The following MMP16 variants were observed in gnomAD, a reference collection of about 807,000 sequenced individuals.
MMP16 encodes the protein matrix metalloproteinase-16.
Under a neutral mutation model 67.8 loss-of-function variants are expected in MMP16, and 12 were observed. That is an observed-to-expected ratio of 0.18 (90% confidence interval 0.11 to 0.29). MMP16 has a LOEUF of 0.29. Ranked by LOEUF, MMP16 falls within the 10% of genes least tolerant of loss-of-function variation. The pLI is 1.00. For missense variants in MMP16, 475 were observed against 765.7 expected (o/e 0.62, Z 4.48); for synonymous variants, 249 against 255.9 (o/e 0.97, Z 0.26).
rs1031827 is a variant in MMP16 at position 88,034,518 on chromosome 8, G to T, written c.*6943C>A. ...TGATTCCACATCAGCTGTAAAAGAA[G>T]TAAATGCCAAAAAGACCTAAAAACC... On this transcript the variant is annotated 3_prime_UTR_variant, in exon 10 of 10. Transcript: ENST00000286614. The T allele has an allele frequency of 0.24, 36,526 of 152,220 alleles. 5,230 individuals are homozygous for T. Among genetic ancestry groups the T allele is most frequent in the East Asian group, 0.37 (1,894 of 5,144 alleles). 9.4% of individuals were successfully genotyped at this position (152,220 alleles called of 1,614,324 possible).
intron 6 of MMP16, among the ~76,000 whole-genome samples, chr8:88,085,995 G>A (rs747873100): frequency 1.3e-5 from 2 of 151,096 alleles, no homozygotes; most frequent in Non-Finnish European, 2.9e-5. Flanking sequence ...ACTCATTCAT[G>A]AAGACAATAA....
intron 1 of MMP16, among the ~76,000 whole-genome samples, chr8:88,231,076 T>C (rs1443604410): frequency 6.6e-6 from 1 of 152,180 alleles, no homozygotes; most frequent in African/African-American, 2.4e-5. Context: ...CAGTGTCCAA[T>C]ATAAAGATGA....
At chr8:88,073,062 T>C (rs1808587923) in intron 7 of MMP16, among the ~76,000 whole-genome samples, 1 of 152,142 alleles carries the variant, frequency 6.6e-6, no homozygotes, top group Non-Finnish European at 1.5e-5. Context: ...GCACTACTGG[T>C]CCTGTGAGGA....
intron 1 of MMP16, among the ~76,000 whole-genome samples, chr8:88,291,047 G>A (rs116972207): frequency 0.024 from 3,659 of 152,204 alleles, 116 homozygotes; most frequent in Admixed American, 0.094. Context: ...TTGGAAGGCT[G>A]GGGTAGGAGG....
rs1468015512 is a variant in MMP16, at chr8:88,105,040, ACATT to A, written c.1083+11463_1083+11466del. Among the ~76,000 whole-genome samples the A allele has an allele frequency of 2.0e-5, 3 of 151,622 alleles. No individual in the cohort carries two copies. The South Asian group carries it at 6.2e-4, about 31-fold the overall frequency. ...GTGTACAGGAATATCCTAGGCCTTC[ACATT>A]CAGTCATCATTTACTCACTGATGCA... On this transcript the variant is annotated intron_variant, in intron 6 of 9. Coordinates refer to ENST00000286614, the MANE Select transcript of MMP16 (RefSeq NM_005941.5).
At chr8:88,293,151 A>G (rs1383653898) in intron 1 of MMP16, among the ~76,000 whole-genome samples, 2 of 152,150 alleles carry the variant, frequency 1.3e-5, no homozygotes, top group Non-Finnish European at 2.9e-5. Flanking sequence ...GTACATCTTG[A>G]TTATTTTAAA....
intron 8 of MMP16, among the ~76,000 whole-genome samples, chr8:88,048,518 C>A (rs1273791582): frequency 6.6e-6 from 1 of 152,178 alleles, no homozygotes; most frequent in Non-Finnish European, 1.5e-5. Flanking sequence ...TTGCTCTATG[C>A]ATTATTTTAT....
chr8:88,308,140 T>C (rs984391173), intron 1 of MMP16, among the ~76,000 whole-genome samples: 5 of 152,084 alleles, frequency 3.3e-5, no homozygotes, highest in African/African-American at 1.2e-4. Context: ...ACATCATAAA[T>C]GCATTACTGG....
rs909328569 is a variant in MMP16 at position 88,326,616 on chromosome 8, C to G, written c.132+459G>C. 2.0e-4 allele frequency among the ~76,000 whole-genome samples: 31 copies of G among 152,064 alleles called. 1 individual carries two copies. Among genetic ancestry groups the G allele is most frequent in the Admixed American group, 1.9e-3 (29 of 15,264 alleles). ...TTATTAAACACATCTAGTGTTCCCA[C>G]GCTCTCCTCTAGATTCTTTGATTTT... is the stretch of plus-strand genomic sequence containing the variant. On this transcript the variant is annotated intron_variant, in intron 1 of 9. Coordinates refer to ENST00000286614, the MANE Select transcript of MMP16 (RefSeq NM_005941.5).
intron 6 of MMP16, among the ~76,000 whole-genome samples, chr8:88,083,709 T>A (rs1485666551): frequency 6.6e-6 from 1 of 152,044 alleles, no homozygotes; most frequent in Non-Finnish European, 1.5e-5. Context: ...CATCTCTAGT[T>A]CATGAGAGTT....
intron 1 of MMP16, among the ~76,000 whole-genome samples, chr8:88,238,443 A>G (rs1403753753): frequency 6.6e-6 from 1 of 151,978 alleles, no homozygotes; most frequent in East Asian, 1.9e-4. Flanking sequence ...GGATCATTTG[A>G]GGTCAGGAGT....
chr8:88,089,831 G>A (rs1329298006), intron 6 of MMP16, among the ~76,000 whole-genome samples: 1 of 151,742 alleles, frequency 6.6e-6, no homozygotes, highest in Non-Finnish European at 1.5e-5. Flanking sequence ...ATTGCTAAGT[G>A]AACAAAACCA....
At chr8:88,139,127 T>C (rs546529613) in intron 4 of MMP16, among the ~76,000 whole-genome samples, 93 of 152,266 alleles carry the variant, frequency 6.1e-4, no homozygotes, top group African/African-American at 2.1e-3. Context: ...ATTGTCTATG[T>C]CTCATTTGCA....
intron 3 of MMP16, among the ~76,000 whole-genome samples, chr8:88,173,287 A>G (rs1256261740): frequency 6.6e-6 from 1 of 152,108 alleles, no homozygotes; most frequent in East Asian, 1.9e-4. Context: ...CCTAGGCTCA[A>G]GCGATTCACT....
rs773017409 is a variant in MMP16 at position 88,041,719 on chromosome 8, T to G, written c.1566A>C (p.Pro522=). The change falls in exon 10 of 10, where the codon CCA becomes CCC. Residue 522 remains proline (P), a synonymous_variant. Transcript: ENST00000286614. The surrounding 1 kb of genome is among the most constrained non-coding windows in gnomAD (Gnocchi z 6.0). ...CCATAAAATCCTTGAGGATGGATCTTGGATATCCAGGTTCTACCTTGAGTA... is the reference window on the plus strand; with the variant it reads ...CCATAAAATCCTTGAGGATGGATCTGGGATATCCAGGTTCTACCTTGAGTA... ...NQILKVEPGY[P]RSILKDFMGC... 3.7e-6 allele frequency: 6 copies of G among 1,613,892 alleles called. No individual in the cohort carries two copies. In the African/African-American group the frequency reaches 4.0e-5, roughly 11 times the overall value.
intron 7 of MMP16, among the ~76,000 whole-genome samples, chr8:88,060,095 C>T (rs1478794884): frequency 6.6e-6 from 1 of 152,002 alleles, no homozygotes; most frequent in East Asian, 1.9e-4. Flanking sequence ...CCACTCCTTA[C>T]CATAAGTTCC....
intron 4 of MMP16, among the ~76,000 whole-genome samples, chr8:88,146,208 T>G (rs1808287380): frequency 6.6e-6 from 1 of 152,030 alleles, no homozygotes; most frequent in African/African-American, 2.4e-5. Flanking sequence ...TTGGGTTCAA[T>G]ATGCTCAGCA....
At chr8:88,279,756 G>A (rs74698411) in intron 1 of MMP16, among the ~76,000 whole-genome samples, 1,764 of 152,244 alleles carry the variant, frequency 0.012, 34 homozygotes, top group African/African-American at 0.04. Flanking sequence ...CTTAGTATTA[G>A]AGGACATTCA....
intron 1 of MMP16, among the ~76,000 whole-genome samples, chr8:88,310,534 G>A (rs1811278589): frequency 6.6e-6 from 1 of 152,090 alleles, no homozygotes; most frequent in South Asian, 2.1e-4. Flanking sequence ...TAAAACCCAT[G>A]AATAGGGATG....
Sources: gnomAD v4.1 joint callset for allele counts (sites outside exome capture counted in the v4.1 genomes callset) on GRCh38, gnomAD v4.1.1 for gene constraint, Gnocchi (gnomAD v3.1) non-coding constraint, MANE v1.5 for transcripts, NCBI Gene and HGNC (gene_info 2026-07-23, HGNC 2026-07-21) for gene names.